The following OS9 variants were observed in gnomAD, a reference collection of about 807,000 sequenced individuals.
OS9 encodes OS9 endoplasmic reticulum lectin.
In OS9, 58 loss-of-function variants were observed where a neutral mutation model predicts 84.7. The observed-to-expected ratio is 0.68, with a 90% CI of 0.55 to 0.85. OS9 has a LOEUF of 0.85. Ranked by LOEUF, OS9 falls within the 40% of genes least tolerant of loss-of-function variation. The pLI is 0.00. For synonymous variants in OS9, 278 were observed against 320.8 expected (o/e 0.87, Z 1.43); for missense variants, 760 against 850.9 (o/e 0.89, Z 1.33).
chr12:57,716,735 G>T lies in OS9; in HGVS notation c.1036G>T (p.Ala346Ser), dbSNP rs747557254. The T allele has an allele frequency of 5.0e-6, 8 of 1,613,662 alleles. No homozygotes were observed. The East Asian group carries it at 1.8e-4, about 36-fold the overall frequency. Reference sequence around the variant, plus strand: ...TGAGGCAGCAGATTCAGCTTCTGGTGCTCCCAATGGTGAGTGAACCTTCCA... The same window carrying T: ...TGAGGCAGCAGATTCAGCTTCTGGTTCTCCCAATGGTGAGTGAACCTTCCA... ...SPEAADSASG[A>S]PNDFQNNVQV... Residue 346 changes from alanine to serine, a missense_variant, in exon 9 of 15, where the codon GCT becomes TCT. Ala to Ser is a moderately conservative substitution (Grantham distance 99). Transcript: ENST00000315970.
At chr12:57,700,364 T>A (rs921407270) in intron 5 of OS9, among the ~76,000 whole-genome samples, 1 of 151,940 alleles carries the variant, frequency 6.6e-6, no homozygotes, top group African/African-American at 2.4e-5. Context: ...TGCAGAACCC[T>A]GGGAGAGCAA....
Position 57,720,460 on chromosome 12 carries a change from C to G in OS9, c.1820C>G (p.Ala607Gly), listed in dbSNP as rs142142203. 1.2e-6 allele frequency: 2 copies of G among 1,613,924 alleles called. No homozygotes were observed. The highest frequency in any genetic ancestry group is 1.7e-6 in the Non-Finnish European group (2 of 1,179,864). Residue 607 changes from alanine (A) to glycine (G), a missense_variant, in exon 14 of 15, where the codon GCA (alanine) becomes GGA (glycine). Coordinates refer to ENST00000315970, the MANE Select transcript of OS9 (RefSeq NM_006812.4). ...RPWAEGTEEG[A>G]RWLTDEDTRN... is the part of the protein sequence containing the mutation. ...TGGGCTGAAGGGACTGAAGAGGGTG[C>G]ACGTTGGCTGACTGATGAGGACACG...
At chr12:57,694,566 A>G in intron 1 of OS9, 184 bp from the exon 2 acceptor site, 1 of 709,612 alleles carries the variant, frequency 1.4e-6, no homozygotes, top group Non-Finnish European at 2.4e-6. Flanking sequence ...AAACACCCGG[A>G]CTCCGCCCCC....
Position 57,697,916 on chromosome 12 carries a change from CACACACAT to C in OS9, c.579+1551_579+1558del, listed in dbSNP as rs1160168640. Reference sequence around the variant, plus strand: ...GGAACCTAACATAAGCAAACACACACACACACATACACACACACACACACACACACACA... The same window carrying C: ...GGAACCTAACATAAGCAAACACACACACACACACACACACACACACACACA... On this transcript the variant is annotated intron_variant, in intron 5 of 14. Coordinates refer to ENST00000315970, the MANE Select transcript of OS9 (RefSeq NM_006812.4). 4.4e-4 allele frequency among the ~76,000 whole-genome samples: 28 copies of C among 63,188 alleles called. 1 individual carries two copies. The highest frequency in any genetic ancestry group is 1.2e-3 in the African/African-American group (22 of 18,514). 41.5% of individuals were successfully genotyped at this position (63,188 alleles called of 152,430 possible).
At position 57,696,084 on chromosome 12, in the gene OS9, C is replaced by T. The variant is rs1484418694; in HGVS notation, c.480+46C>T. On this transcript the variant is annotated intron_variant, in intron 4 of 14. Transcript: ENST00000315970. The stretch of plus-strand genomic sequence containing the variant: ...AGGAAGAAAGGGTTCTGGCCACCGG[C>T]TGAGAGCCCTGACAAGAAGGGGAGG... The T allele has an allele frequency of 2.1e-6, 3 of 1,421,366 alleles. No individual in the cohort carries two copies. In the South Asian group the frequency reaches 3.4e-5, roughly 16 times the overall value. The allele number at this position is 1,421,366 out of a possible 1,614,324, so 88.0% of individuals were successfully genotyped here.
chr12:57,701,307 G>A (rs1954019293), intron 5 of OS9, among the ~76,000 whole-genome samples: 1 of 112,354 alleles, frequency 8.9e-6, no homozygotes, highest in Non-Finnish European at 1.6e-5. Flanking sequence ...ACAGAGTCTC[G>A]CTCTGTCACC....
rs140029000 is a variant in OS9, at chr12:57,694,622, T to C, written c.163-128T>C. 831 of 971,722 alleles carry C rather than the reference T, an allele frequency of 8.6e-4. 3 individuals are homozygous for C. In the African/African-American group the frequency reaches 0.012, roughly 14 times the overall value. 60.2% of individuals were successfully genotyped at this position (971,722 alleles called of 1,614,324 possible). On this transcript the variant is annotated intron_variant, in intron 1 of 14. Transcript: ENST00000315970. ...TCTCCTCTCACCCACTAAATACAGC[T>C]GGAGGGCTTATGGCTTATTCTGTCT... is the stretch of plus-strand genomic sequence containing the variant.
intron 5 of OS9, among the ~76,000 whole-genome samples, chr12:57,698,481 T>G (rs556079384): frequency 1.3e-3 from 203 of 152,308 alleles, no homozygotes; most frequent in African/African-American, 4.7e-3. Context: ...GGAGATATGT[T>G]AAATGAACAG....
Position 57,703,903 on chromosome 12 carries a change from G to A in OS9, c.579+7530G>A, listed in dbSNP as rs573771703. Among the ~76,000 whole-genome samples, 86 of 152,234 alleles carry A rather than the reference G, an allele frequency of 5.6e-4. No homozygotes were observed. In the South Asian group the frequency reaches 0.017, roughly 29 times the overall value. ...TCTTGTTCCTAATCTTAAGGGAGAA[G>A]CTTTCAATGTTTCACCATTGAGTAT... is the stretch of plus-strand genomic sequence containing the variant. On this transcript the variant is annotated intron_variant, in intron 5 of 14. Transcript: ENST00000315970.
chr12:57,720,041 C>T (rs1954626646), intron 12 of OS9, 58 bp from the exon 13 acceptor site: 20 of 1,542,162 alleles, frequency 1.3e-5, no homozygotes, highest in East Asian at 4.5e-5. Flanking sequence ...ACCCCCACAC[C>T]CCTAACCCTG....
chr12:57,703,918 C>T (rs761934068), intron 5 of OS9, among the ~76,000 whole-genome samples: 19 of 152,150 alleles, frequency 1.2e-4, no homozygotes, highest in Non-Finnish European at 2.4e-4. Flanking sequence ...CAATGTTTCA[C>T]CATTGAGTAT....
chr12:57,720,999 G>T lies in OS9; in HGVS notation c.*90G>T. ...CACCTCCCCACCCTGGAACCCCTGA[G>T]GGCCAAACAGCAGAGTGGAGCTGAG... On this transcript the variant is annotated 3_prime_UTR_variant, in exon 15 of 15. Transcript: ENST00000315970. The T allele has an allele frequency of 6.8e-7, 1 of 1,462,158 alleles. No homozygotes were observed. The highest frequency in any genetic ancestry group is 9.5e-7 in the Non-Finnish European group (1 of 1,052,202). The allele number at this position is 1,462,158 out of a possible 1,614,324, so 90.6% of individuals were successfully genotyped here.
In OS9 at chr12:57,694,788, C is replaced by T. The variant is rs1284288561; in HGVS notation, c.201C>T (p.Tyr67=). Residue 67 remains tyrosine (Y), a synonymous_variant, in exon 2 of 15, where the codon TAC becomes TAT. Transcript: ENST00000315970. The part of the protein sequence containing the change: ...SSDVVIVSSK[Y]KQRYECRLPA... ...ACGTGGTGATTGTCTCCTCTAAGTA[C>T]AAACAGCGCTATGAGTGTCGCCTGC... The T allele has an allele frequency of 6.8e-6, 11 of 1,613,960 alleles. No homozygotes were observed. The highest frequency in any genetic ancestry group is 1.3e-5 in the African/African-American group (1 of 74,906).
chr12:57,696,576 AC>A (rs1420917855), intron 5 of OS9, among the ~76,000 whole-genome samples: 1 of 151,452 alleles, frequency 6.6e-6, no homozygotes, highest in African/African-American at 2.4e-5. Context: ...CGGGCAGATC[AC>A]CTGAGGTCAG....
chr12:57,718,794 C>G (rs1017697590), intron 11 of OS9, among the ~76,000 whole-genome samples, 199 bp from the exon 12 acceptor site: 2 of 152,154 alleles, frequency 1.3e-5, no homozygotes, highest in Non-Finnish European at 2.9e-5. Flanking sequence ...AATCCCAGCT[C>G]TTTGGAAGGC....
At chr12:57,717,722 G>A in intron 9 of OS9, 148 bp from the exon 10 acceptor site, 1 of 537,906 alleles carries the variant, frequency 1.9e-6, no homozygotes, top group Non-Finnish European at 3.2e-6. Context: ...GAACCCGGGA[G>A]GCAGAGGTTG....
chr12:57,721,003 C>A lies in OS9; in HGVS notation c.*94C>A. 2.1e-6 allele frequency: 3 copies of A among 1,436,968 alleles called. No individual in the cohort carries two copies. The highest frequency in any genetic ancestry group is 2.9e-6 in the Non-Finnish European group (3 of 1,030,600). 89.0% of individuals were successfully genotyped at this position (1,436,968 alleles called of 1,614,324 possible). A position where few individuals can be genotyped will look rare whatever the true frequency, so the allele number is the denominator to read the frequency against. Reference sequence around the variant, plus strand: ...TCCCCACCCTGGAACCCCTGAGGGCCAAACAGCAGAGTGGAGCTGAGCTGT... The same window carrying A: ...TCCCCACCCTGGAACCCCTGAGGGCAAAACAGCAGAGTGGAGCTGAGCTGT... On this transcript the variant is annotated 3_prime_UTR_variant, in exon 15 of 15. Transcript: ENST00000315970.
intron 5 of OS9, among the ~76,000 whole-genome samples, chr12:57,703,787 C>G (rs1194253181): frequency 6.6e-6 from 1 of 151,622 alleles, no homozygotes; most frequent in East Asian, 1.9e-4. Flanking sequence ...TAAAAAACAC[C>G]ATTGGATGCC....
chr12:57,717,677 CA>C (rs886414692), intron 9 of OS9, among the ~76,000 whole-genome samples, 192 bp from the exon 10 acceptor site: 9 of 150,664 alleles, frequency 6.0e-5, no homozygotes, highest in Non-Finnish European at 1.3e-4. Flanking sequence ...CCTGTAATCC[CA>C]GCTACTTGGG....
Sources: allele counts gnomAD v4.1 joint callset (sites outside exome capture counted in the v4.1 genomes callset), GRCh38; gene constraint gnomAD v4.1.1; transcripts MANE v1.5; gene names NCBI Gene and HGNC (gene_info 2026-07-23, HGNC 2026-07-21).